GRID2: variants seen among roughly 807,000 people sequenced by gnomAD.
GRID2 encodes the protein glutamate ionotropic receptor delta type subunit 2, also known as glutamate receptor ionotropic, delta-2.
A neutral mutation model predicts 114.8 loss-of-function variants in GRID2; 33 were observed. That is an observed-to-expected ratio of 0.29 (90% CI 0.22 to 0.38). The LOEUF is 0.38. Among genes scored for constraint, GRID2 ranks in the 10% least tolerant of loss-of-function variants. GRID2 has a pLI of 1.00. For synonymous variants in GRID2, 505 were observed against 449.9 expected (o/e 1.12, Z -1.55); for missense variants, 1,184 against 1,257.7 (o/e 0.94, Z 0.89).
At chr4:92,921,488 T>A (rs1749333865) in intron 2 of GRID2, among the ~76,000 whole-genome samples, 1 of 152,178 alleles carries the variant, frequency 6.6e-6, no homozygotes, top group Non-Finnish European at 1.5e-5. Flanking sequence ...TTATCTACCT[T>A]TGGTCTTTGA....
In GRID2 at chr4:93,316,343, G is replaced by GAAA. The variant is rs1560491069; in HGVS notation, c.1245+77853_1245+77854insAAA. Among the ~76,000 whole-genome samples, 521 of 54,974 alleles carry GAAA rather than the reference G, an allele frequency of 9.5e-3. 3 individuals are homozygous for GAAA. Among genetic ancestry groups the GAAA allele is most frequent in the Non-Finnish European group, 0.012 (288 of 24,144 alleles). The allele number at this position is 54,974 out of a possible 152,430, so 36.1% of individuals were successfully genotyped here. ...AAGAAAGAAAGAAAGAAAGAAAGAA[G>GAAA]GAAGGAAGGAAGGAAGGAAAAGAAA... On this transcript the variant is annotated intron_variant, in intron 8 of 15. Transcript: ENST00000282020.
At chr4:93,438,213 A>G (rs1721287832) in intron 10 of GRID2, among the ~76,000 whole-genome samples, 1 of 152,134 alleles carries the variant, frequency 6.6e-6, no homozygotes, top group Non-Finnish European at 1.5e-5. Flanking sequence ...AGTGCACACG[A>G]AAAACAAATG....
intron 14 of GRID2, among the ~76,000 whole-genome samples, chr4:93,655,636 A>G (rs1722932373): frequency 6.6e-6 from 1 of 152,158 alleles, no homozygotes; most frequent in African/African-American, 2.4e-5. Flanking sequence ...GAATGTTATT[A>G]AGACCCCAAA....
chr4:92,653,327 C>G (rs201468039), intron 2 of GRID2, among the ~76,000 whole-genome samples: 21 of 146,210 alleles, frequency 1.4e-4, no homozygotes, highest in East Asian at 1.2e-3. Context: ...ACACATGTGT[C>G]TGTGTGTGTG....
intron 8 of GRID2, among the ~76,000 whole-genome samples, chr4:93,269,637 C>T (rs1561067750): frequency 6.6e-6 from 1 of 152,116 alleles, no homozygotes; most frequent in African/African-American, 2.4e-5. Flanking sequence ...TTTGTAAAAT[C>T]CATTGAGGGG....
chr4:92,704,744 T>TGC (rs1734872519), intron 2 of GRID2, among the ~76,000 whole-genome samples: 1 of 147,538 alleles, frequency 6.8e-6, no homozygotes, highest in Non-Finnish European at 1.5e-5. Flanking sequence ...TCTCTCTCTC[T>TGC]CCCTCCCTCT....
intron 2 of GRID2, among the ~76,000 whole-genome samples, chr4:92,742,086 T>C (rs970166442): frequency 2.6e-5 from 4 of 152,156 alleles, no homozygotes; most frequent in African/African-American, 9.7e-5. Flanking sequence ...TGATATAATA[T>C]AGGAAAATTG....
chr4:93,397,333 A>C (rs1435908312), intron 9 of GRID2, among the ~76,000 whole-genome samples: 1 of 151,950 alleles, frequency 6.6e-6, no homozygotes, highest in African/African-American at 2.4e-5. Context: ...ATTGATATGC[A>C]TTTACATTGA....
chr4:92,931,983 C>A (rs553398734), intron 2 of GRID2, among the ~76,000 whole-genome samples: 1 of 151,070 alleles, frequency 6.6e-6, no homozygotes, highest in Admixed American at 6.6e-5. Context: ...GATAAATCAC[C>A]AACCTAACCT....
At chr4:92,724,348 C>A (rs763088321) in intron 2 of GRID2, among the ~76,000 whole-genome samples, 3 of 152,132 alleles carry the variant, frequency 2.0e-5, no homozygotes, top group Non-Finnish European at 4.4e-5. Flanking sequence ...AGAAGCATCA[C>A]TGTTACAACT....
intron 1 of GRID2, among the ~76,000 whole-genome samples, chr4:92,437,976 A>AT (rs140495298): frequency 0.024 from 3,706 of 152,202 alleles, 156 homozygotes; most frequent in African/African-American, 0.082. Flanking sequence ...GATTACATGC[A>AT]TTTTTTAAAG....
At chr4:93,135,937 T>G (rs1441166800) in intron 4 of GRID2, among the ~76,000 whole-genome samples, 2 of 152,156 alleles carry the variant, frequency 1.3e-5, no homozygotes, top group African/African-American at 2.4e-5. Flanking sequence ...TTATAAACTG[T>G]GTGGTATGCT....
At chr4:92,711,912 A>G (rs369402964) in intron 2 of GRID2, among the ~76,000 whole-genome samples, 32 of 152,192 alleles carry the variant, frequency 2.1e-4, no homozygotes, top group African/African-American at 7.7e-4. Context: ...TTGAAAAAAT[A>G]AAAATGAAAT....
intron 2 of GRID2, among the ~76,000 whole-genome samples, chr4:92,958,182 T>A (rs1373071321): frequency 6.6e-6 from 1 of 152,048 alleles, no homozygotes; most frequent in Non-Finnish European, 1.5e-5. Flanking sequence ...CAGTAAAATC[T>A]TGAAAAAAGA....
intron 2 of GRID2, among the ~76,000 whole-genome samples, chr4:92,744,345 G>A (rs183244601): frequency 2.0e-4 from 31 of 151,894 alleles, no homozygotes; most frequent in East Asian, 1.2e-3. Flanking sequence ...AAAATTAGCC[G>A]GGTGTGGTGG....
intron 3 of GRID2, among the ~76,000 whole-genome samples, chr4:93,095,373 A>G (rs2149333824): frequency 6.6e-6 from 1 of 152,160 alleles, no homozygotes; most frequent in African/African-American, 2.4e-5. Flanking sequence ...TTTAAAAAAT[A>G]CACACAGAAA....
chr4:93,164,629 A>G (rs771515316), intron 4 of GRID2: 5 of 312,052 alleles, frequency 1.6e-5, no homozygotes, highest in Admixed American at 1.2e-4. Flanking sequence ...TATCAAACGA[A>G]TGGTAGGGGA....
At position 92,995,947 on chromosome 4, in the gene GRID2, GT is replaced by G. The variant is rs763018860; in HGVS notation, c.245-89037del. Among the ~76,000 whole-genome samples, 798 of 146,942 alleles carry G rather than the reference GT, an allele frequency of 5.4e-3. 5 individuals are homozygous for G. The highest frequency in any genetic ancestry group is 0.017 in the African/African-American group (674 of 40,212). On this transcript the variant is annotated intron_variant, in intron 2 of 15. Coordinates refer to ENST00000282020, the MANE Select transcript of GRID2 (RefSeq NM_001510.4). ...ATGACACCTGTCATGATTTTAAACA[GT>G]TTTTTTTTTTCTATTCTAAACATGG...
intron 2 of GRID2, among the ~76,000 whole-genome samples, chr4:92,640,773 T>C (rs932476371): frequency 5.3e-5 from 8 of 151,886 alleles, no homozygotes; most frequent in Admixed American, 1.3e-4. Flanking sequence ...TAGACTATAT[T>C]GCCTCTACCA....
Sources: allele counts gnomAD v4.1 joint callset (sites outside exome capture counted in the v4.1 genomes callset), GRCh38; gene constraint gnomAD v4.1.1; transcripts MANE v1.5; gene names NCBI Gene and HGNC (gene_info 2026-07-23, HGNC 2026-07-21).